Variants in ROBO2 observed in about 807,000 individuals in gnomAD.
The protein encoded by ROBO2 is roundabout homolog 2.
ROBO2 carries 53 observed loss-of-function variants against 160.8 expected under a neutral mutation model. That is an observed-to-expected ratio of 0.33 (90% CI 0.26 to 0.41). ROBO2 has a LOEUF of 0.41. ROBO2 is among the 10% of genes least tolerant of loss of function. The probability of loss-of-function intolerance (pLI) is 1.00; values close to 1 mark genes in which losing one functional copy is unlikely to be tolerated. For missense variants in ROBO2, 1,577 were observed against 1,722.4 expected (o/e 0.92, Z 1.49); for synonymous variants, 664 against 611.7 (o/e 1.09, Z -1.26).
At chr3:76,510,007 G>T (rs992071460) in intron 2 of ROBO2, among the ~76,000 whole-genome samples, 1 of 151,948 alleles carries the variant, frequency 6.6e-6, no homozygotes, top group Non-Finnish European at 1.5e-5. Flanking sequence ...GGTGCAATAC[G>T]TCTTTTCTGC....
chr3:76,905,341 C>A (rs1186968964), intron 2 of ROBO2, among the ~76,000 whole-genome samples: 2 of 151,912 alleles, frequency 1.3e-5, no homozygotes, highest in African/African-American at 4.8e-5. Flanking sequence ...GTATAGGGGG[C>A]ACACAAGAGA....
intron 2 of ROBO2, among the ~76,000 whole-genome samples, chr3:77,435,409 G>T (rs1361074559): frequency 6.6e-6 from 1 of 151,832 alleles, no homozygotes; most frequent in East Asian, 1.9e-4. Flanking sequence ...AGCCAAATAA[G>T]TACTAAGAAA....
chr3:77,443,998 A>G (rs1346833945), intron 2 of ROBO2, among the ~76,000 whole-genome samples: 2 of 152,224 alleles, frequency 1.3e-5, no homozygotes, highest in Non-Finnish European at 2.9e-5. Flanking sequence ...TAAGCAGATA[A>G]TGTCTCTAAT....
intron 2 of ROBO2, among the ~76,000 whole-genome samples, chr3:77,406,630 T>G (rs1473636126): frequency 6.6e-6 from 1 of 152,156 alleles, no homozygotes; most frequent in East Asian, 1.9e-4. Context: ...GTTTTATTTT[T>G]TTTCCCAAGA....
At chr3:77,325,901 C>T (rs550132543) in intron 2 of ROBO2, among the ~76,000 whole-genome samples, 1 of 152,174 alleles carries the variant, frequency 6.6e-6, no homozygotes, top group Non-Finnish European at 1.5e-5. Context: ...TGCAAACAAT[C>T]TGGTTCCAAG....
At chr3:76,968,714 G>A (rs116027614) in intron 2 of ROBO2, among the ~76,000 whole-genome samples, 4,654 of 151,978 alleles carry the variant, frequency 0.031, 98 homozygotes, top group Middle Eastern at 0.1. Flanking sequence ...GCATGTTTTC[G>A]TCAGGTTTGT....
intron 2 of ROBO2, among the ~76,000 whole-genome samples, chr3:76,709,851 C>A (rs1174113663): frequency 1.3e-5 from 2 of 152,106 alleles, no homozygotes; most frequent in Admixed American, 1.3e-4. Flanking sequence ...CTGTTAGAGG[C>A]CACACTGTCT....
At chr3:76,276,638 T>C (rs1160358789) in intron 2 of ROBO2, among the ~76,000 whole-genome samples, 7 of 152,026 alleles carry the variant, frequency 4.6e-5, no homozygotes, top group Admixed American at 4.6e-4. Context: ...TTAAAGGCAA[T>C]AGATTATTGA....
At chr3:76,256,321 C>A (rs1447697281) in intron 2 of ROBO2, among the ~76,000 whole-genome samples, 2 of 91,184 alleles carry the variant, frequency 2.2e-5, no homozygotes, top group African/African-American at 6.5e-5. Flanking sequence ...CTCTCTCTCT[C>A]TCTCTCTCTC....
chr3:77,597,361 G>T (rs1225088141), intron 19 of ROBO2, among the ~76,000 whole-genome samples: 1 of 152,082 alleles, frequency 6.6e-6, no homozygotes, highest in Non-Finnish European at 1.5e-5. Flanking sequence ...CCACATGCAA[G>T]CCTTCAAAAT....
Position 76,399,404 on chromosome 3 carries a change from C to T in ROBO2, c.109+461802C>T, listed in dbSNP as rs965942536. 6.6e-5 allele frequency among the ~76,000 whole-genome samples: 10 copies of T among 151,700 alleles called. No homozygotes were observed. The South Asian group carries it at 8.3e-4, about 13-fold the overall frequency. ...CACATAGGACTGCAGAGTTTAAATG[C>T]CCTGCCTAAATGTTAAATCTGGGGT... On this transcript the variant is annotated intron_variant, in intron 2 of 26. Coordinates refer to the ROBO2 transcript ENST00000487694.
At chr3:76,252,266 C>T (rs111940455) in intron 2 of ROBO2, among the ~76,000 whole-genome samples, 2 of 151,994 alleles carry the variant, frequency 1.3e-5, no homozygotes, top group African/African-American at 4.8e-5. Flanking sequence ...CCAATCTAAG[C>T]CTAACACTTG....
intron 2 of ROBO2, among the ~76,000 whole-genome samples, chr3:76,111,988 A>AT (rs985938814): frequency 6.6e-6 from 1 of 152,100 alleles, no homozygotes; most frequent in African/African-American, 2.4e-5. Context: ...ATCCTGAGTC[A>AT]TTTTGGAAGA....
At chr3:77,185,366 G>A (rs76276425) in intron 2 of ROBO2, among the ~76,000 whole-genome samples, 1,941 of 152,074 alleles carry the variant, frequency 0.013, 40 homozygotes, top group African/African-American at 0.044. Context: ...TAGTGAATGA[G>A]TATTTTTGAA....
intron 2 of ROBO2, among the ~76,000 whole-genome samples, chr3:76,835,021 A>T (rs1190652119): frequency 6.6e-6 from 1 of 152,166 alleles, no homozygotes; most frequent in African/African-American, 2.4e-5. Context: ...TATATCTTAT[A>T]AATATTAAGA....
At chr3:77,208,273 T>C (rs1157889688) in intron 2 of ROBO2, among the ~76,000 whole-genome samples, 1 of 152,234 alleles carries the variant, frequency 6.6e-6, no homozygotes, top group Admixed American at 6.5e-5. Flanking sequence ...CTTTCATCTA[T>C]AAAACTACAT....
chr3:76,183,542 C>T (rs905225341), intron 2 of ROBO2, among the ~76,000 whole-genome samples: 5 of 151,908 alleles, frequency 3.3e-5, no homozygotes, highest in African/African-American at 7.3e-5. Context: ...TTTATTTATT[C>T]ATTCATTCAT....
intron 2 of ROBO2, among the ~76,000 whole-genome samples, chr3:76,640,608 TG>T (rs2090623065): frequency 1.3e-5 from 2 of 151,726 alleles, no homozygotes; most frequent in Admixed American, 1.3e-4. Context: ...TGTGTGTGTG[TG>T]TGTGTGTGTG....
At chr3:77,381,228 T>A (rs1263427089) in intron 2 of ROBO2, among the ~76,000 whole-genome samples, 1 of 152,114 alleles carries the variant, frequency 6.6e-6, no homozygotes, top group East Asian at 1.9e-4. Flanking sequence ...GGCAGGAGAA[T>A]TGCTTGAACC....
Sources: allele counts gnomAD v4.1 joint callset (sites outside exome capture counted in the v4.1 genomes callset), GRCh38; gene constraint gnomAD v4.1.1; transcripts MANE v1.5; gene names NCBI Gene and HGNC (gene_info 2026-07-23, HGNC 2026-07-21).